Variants in RSF1 observed in about 807,000 individuals in gnomAD.
The protein encoded by RSF1 is remodeling and spacing factor 1.
A neutral mutation model predicts 145.2 loss-of-function variants in RSF1; 13 were observed. The ratio of observed to expected loss-of-function variants is 0.09; its 90% confidence interval spans 0.06 to 0.14. RSF1 has a LOEUF of 0.14. Among genes scored for constraint, RSF1 ranks in the 10% least tolerant of loss-of-function variants. The pLI is 1.00. For missense variants in RSF1, 1,517 were observed against 1,718.2 expected, an observed-to-expected ratio of 0.88 and a Z score of 2.07; for synonymous variants, 577 against 592.6, an observed-to-expected ratio of 0.97 and a Z score of 0.38.
chr11:77,798,973 AAAAG>A (rs1948600648), intron 1 of RSF1, among the ~76,000 whole-genome samples: 1 of 151,848 alleles, frequency 6.6e-6, no homozygotes, highest in Non-Finnish European at 1.5e-5. Context: ...TTAAAAAAAA[AAAAG>A]AAAAAAAAGA....
intron 2 of RSF1, among the ~76,000 whole-genome samples, chr11:77,749,030 T>C (rs1565169086): frequency 6.6e-6 from 1 of 152,110 alleles, no homozygotes; most frequent in Non-Finnish European, 1.5e-5. Flanking sequence ...CTTGAAAACA[T>C]GTTAAGTGAA....
the RSF1 span, among the ~76,000 whole-genome samples, chr11:77,870,320 T>C: frequency 6.8e-6 from 1 of 148,120 alleles, no homozygotes; most frequent in Middle Eastern, 3.2e-3. Flanking sequence ...ACGTCTGGCC[T>C]ATTTTTTAAT....
chr11:77,774,891 C>T lies in RSF1; in HGVS notation c.188-10202G>A, dbSNP rs113806000. 2.4e-3 allele frequency among the ~76,000 whole-genome samples: 355 copies of T among 150,706 alleles called. 2 individuals carry two copies. The highest frequency in any genetic ancestry group is 7.6e-3 in the African/African-American group (314 of 41,230). ...CAGTGATTCTCCTGCCTCAGCCTCCCGAGTAGCTAGGATTACAGGCGCCCG... is the reference window on the plus strand; with the variant it reads ...CAGTGATTCTCCTGCCTCAGCCTCCTGAGTAGCTAGGATTACAGGCGCCCG... On this transcript the variant is annotated intron_variant, in intron 1 of 15. Transcript: ENST00000308488.
Position 77,701,554 on chromosome 11 carries a change from T to C in RSF1, c.1675A>G (p.Thr559Ala). 3 of 1,614,056 alleles carry C rather than the reference T, an allele frequency of 1.9e-6. No individual in the cohort carries two copies. The highest frequency in any genetic ancestry group is 2.5e-6 in the Non-Finnish European group (3 of 1,179,992). ...DLSSKTALSS[T>A]ESCTMKGEEK... ...TCACCTTTCATGGTACACGACTCGG[T>C]GGAAGATAAAGCAGTTTTTGAAGAG... Residue 559 changes from threonine to alanine, a missense_variant, in exon 6 of 16, where the codon ACC becomes GCC. Transcript: ENST00000308488.
intron 2 of RSF1, among the ~76,000 whole-genome samples, chr11:77,761,617 A>G (rs1378199281): frequency 1.3e-5 from 2 of 152,152 alleles, no homozygotes; most frequent in Admixed American, 6.5e-5. Context: ...TTCATTATCC[A>G]TGGTCAAGGT....
intron 9 of RSF1, among the ~76,000 whole-genome samples, chr11:77,689,442 T>C (rs1960092758): frequency 6.6e-6 from 1 of 152,264 alleles, no homozygotes; most frequent in South Asian, 2.1e-4. Flanking sequence ...TTTTACACTT[T>C]GCCTTTGCTC....
intron 9 of RSF1, among the ~76,000 whole-genome samples, chr11:77,687,466 T>C (rs950690943): frequency 6.6e-6 from 1 of 151,972 alleles, no homozygotes; most frequent in African/African-American, 2.4e-5. Context: ...TTACCCACCT[T>C]GGGTAACCTT....
At chr11:77,744,461 G>C (rs1046563881) in intron 3 of RSF1, among the ~76,000 whole-genome samples, 5 of 152,046 alleles carry the variant, frequency 3.3e-5, no homozygotes, top group Non-Finnish European at 5.9e-5. Context: ...ACAACACCCA[G>C]CTAGCTAGCT....
At chr11:77,829,847 C>G in the RSF1 span, 1 of 152,168 alleles carries the variant, frequency 6.6e-6, no homozygotes, top group Non-Finnish European at 1.5e-5. Context: ...GAAAGAAAAT[C>G]AAGTCTGGGC....
upstream of RSF1, among the ~76,000 whole-genome samples, chr11:77,823,896 G>A (rs1398387057): frequency 1.3e-5 from 2 of 151,268 alleles, no homozygotes; most frequent in East Asian, 1.9e-4. Context: ...ACATTCCAGT[G>A]AGGTTGTGAA....
the RSF1 span, among the ~76,000 whole-genome samples, chr11:77,849,690 A>G: frequency 6.6e-6 from 1 of 151,918 alleles, no homozygotes; most frequent in Admixed American, 6.6e-5. Flanking sequence ...TCACTCTCCT[A>G]TATTTCATAA....
At chr11:77,852,545 CTG>C in the RSF1 span, among the ~76,000 whole-genome samples, 1 of 152,166 alleles carries the variant, frequency 6.6e-6, no homozygotes, top group African/African-American at 2.4e-5. Context: ...TCCTCCAACA[CTG>C]GGGATTACAA....
At chr11:77,688,061 C>T (rs1290858880) in intron 9 of RSF1, among the ~76,000 whole-genome samples, 1 of 152,196 alleles carries the variant, frequency 6.6e-6, no homozygotes, top group East Asian at 1.9e-4. Context: ...TAGGCCAAGG[C>T]AGGTGGATCA....
chr11:77,822,006 G>C (rs1054157158), upstream of RSF1, among the ~76,000 whole-genome samples: 32 of 152,032 alleles, frequency 2.1e-4, no homozygotes, highest in African/African-American at 7.5e-4. Flanking sequence ...GTAGCACATA[G>C]TGAGTACTTT....
At chr11:77,753,853 TCCACGTGGACCTGCCAATCTGTGGCC>T (rs1337520657) in intron 2 of RSF1, among the ~76,000 whole-genome samples, 1 of 152,180 alleles carries the variant, frequency 6.6e-6, no homozygotes, top group Non-Finnish European at 1.5e-5. Context: ...AACCAGTGGC[TCCACGTGGACCTGCCAATCTGTGGCC>T]CCACCCAGCA....
At chr11:77,842,788 G>T in the RSF1 span, among the ~76,000 whole-genome samples, 2 of 152,074 alleles carry the variant, frequency 1.3e-5, no homozygotes, top group South Asian at 2.1e-4. Flanking sequence ...CAATTCAATG[G>T]ACTTCTTACA....
intron 1 of RSF1, among the ~76,000 whole-genome samples, chr11:77,818,570 G>A (rs924731976): frequency 1.3e-5 from 2 of 152,062 alleles, no homozygotes; most frequent in African/African-American, 2.4e-5. Flanking sequence ...CACGAGGTCA[G>A]GAGTTCGAGA....
chr11:77,832,997 G>GTATA, the RSF1 span, among the ~76,000 whole-genome samples: 3 of 76,198 alleles, frequency 3.9e-5, no homozygotes, highest in African/African-American at 1.6e-4. Context: ...GTGTGTGTGT[G>GTATA]TATATATATA....
intron 1 of RSF1, among the ~76,000 whole-genome samples, chr11:77,782,238 G>A (rs1024757983): frequency 6.6e-6 from 1 of 152,026 alleles, no homozygotes; most frequent in African/African-American, 2.4e-5. Context: ...CAAGGATTAG[G>A]CCAGAAGTGG....
Sources: allele counts gnomAD v4.1 joint callset (sites outside exome capture counted in the v4.1 genomes callset), GRCh38; gene constraint gnomAD v4.1.1; transcripts MANE v1.5; gene names NCBI Gene and HGNC (gene_info 2026-07-23, HGNC 2026-07-21).